LIMK1: variants seen among roughly 807,000 people sequenced by gnomAD.
LIMK1 encodes the protein LIM domain kinase 1.
A neutral mutation model predicts 77.6 loss-of-function variants in LIMK1; 21 were observed. The observed-to-expected ratio is 0.27, with a 90% CI of 0.19 to 0.39. The LOEUF (loss-of-function observed/expected upper bound fraction) is 0.39, where lower values mean the gene tolerates loss of function less well. Among genes scored for constraint, LIMK1 ranks in the 10% least tolerant of loss-of-function variants. The probability of loss-of-function intolerance (pLI) is 1.00; values close to 1 mark genes in which losing one functional copy is unlikely to be tolerated. For synonymous variants in LIMK1, 358 were observed against 370.0 expected (o/e 0.97, Z 0.37); for missense variants, 696 against 901.6 (o/e 0.77, Z 2.92).
At chr7:74,107,767 C>A in intron 8 of LIMK1, 104 bp from the exon 9 acceptor site, 1 of 796,240 alleles carries the variant, frequency 1.3e-6, no homozygotes, top group Non-Finnish European at 2.1e-6. Flanking sequence ...GAGTATGAAG[C>A]CATCTGCACA....
chr7:74,099,013 A>T lies in LIMK1; in HGVS notation c.402-19A>T, dbSNP rs782400590. The T allele has an allele frequency of 1.3e-6, 2 of 1,592,776 alleles. No homozygotes were observed. The highest frequency in any genetic ancestry group is 2.3e-5 in the East Asian group (1 of 44,422). ...ACGCCCTTGACACTCTTTTCTTCCC[A>T]CCCCGGCGGCTCTTGCAGCGGGCAC... On this transcript the variant is annotated intron_variant, in intron 4 of 15. Transcript: ENST00000336180.
At chr7:74,084,173 G>C (rs1163565784) in intron 1 of LIMK1, 128 bp downstream of exon 1, 1 of 352,904 alleles carries the variant, frequency 2.8e-6, no homozygotes, top group African/African-American at 2.2e-5. Context: ...TCGTCCTTAC[G>C]AAGCCCGCAG....
chr7:74,105,513 C>CAAA (rs201143839), intron 5 of LIMK1, among the ~76,000 whole-genome samples: 2 of 93,664 alleles, frequency 2.1e-5, no homozygotes, highest in African/African-American at 3.3e-5. Flanking sequence ...ATTCTGTCTC[C>CAAA]AAAAAAAAAA....
At position 74,115,910 on chromosome 7, in the gene LIMK1, T is replaced by C. The variant is rs1438281606; in HGVS notation, c.1519T>C (p.Tyr507His). The C allele has an allele frequency of 6.2e-7, 1 of 1,614,062 alleles. No individual in the cohort carries two copies. The highest frequency in any genetic ancestry group is 1.7e-5 in the Admixed American group (1 of 59,990). The change falls in exon 13 of 16, where the codon TAC becomes CAC. Residue 507 changes from tyrosine to histidine, a missense_variant. This residue lies in a region of LIMK1 where 438 missense variants were observed against 602.3 expected (regional missense o/e 0.73). Transcript: ENST00000336180. The stretch of plus-strand genomic sequence containing the variant: ...CAAGAAGCCAGACCGCAAGAAGCGC[T>C]ACACCGTGGTGGGCAACCCCTACTG... Reference protein sequence around the residue: ...SLKKPDRKKRYTVVGNPYWMA... With the variant: ...SLKKPDRKKRHTVVGNPYWMA...
At position 74,106,370 on chromosome 7, in the gene LIMK1, G is replaced by A. The variant is rs1295125754; in HGVS notation, c.881+127G>A. 16 of 1,044,980 alleles carry A rather than the reference G, an allele frequency of 1.5e-5. No individual in the cohort carries two copies. In the Admixed American group the frequency reaches 3.6e-4, roughly 23 times the overall value. The allele number at this position is 1,044,980 out of a possible 1,614,324, so 64.7% of individuals were successfully genotyped here. A position where few individuals can be genotyped will look rare whatever the true frequency, so the allele number is the denominator to read the frequency against. On this transcript the variant is annotated intron_variant, in intron 7 of 15. Coordinates refer to ENST00000336180, the MANE Select transcript of LIMK1 (RefSeq NM_002314.4). ...CCCAGGCTTGAGCCAGGGAGGTGGA[G>A]GCTGCAGTAAGCTGTCATCACACCA...
At position 74,099,116 on chromosome 7, in the gene LIMK1, C is replaced by T. The variant is rs1420876850; in HGVS notation, c.486C>T (p.Thr162=). ...PDSPGSHLPH[T]VTLVSIPASS... ...CCCCTGGCTCCCACCTGCCCCACACCGTCACCCTGGTGTCCATCCCAGCCT... is the reference window on the plus strand; with the variant it reads ...CCCCTGGCTCCCACCTGCCCCACACTGTCACCCTGGTGTCCATCCCAGCCT... Residue 162 remains threonine (T), a synonymous_variant, in exon 5 of 16, where the codon ACC becomes ACT. Coordinates refer to ENST00000336180, the MANE Select transcript of LIMK1 (RefSeq NM_002314.4). The T allele has an allele frequency of 6.8e-6, 11 of 1,613,666 alleles. No individual in the cohort carries two copies. Among genetic ancestry groups the T allele is most frequent in the Admixed American group, 6.7e-5 (4 of 59,988 alleles).
Position 74,115,870 on chromosome 7 carries a change from G to A in LIMK1, c.1479G>A (p.Glu493=). 1 of 1,614,200 alleles carries A rather than the reference G, an allele frequency of 6.2e-7. No individual in the cohort carries two copies. The highest frequency in any genetic ancestry group is 8.5e-7 in the Non-Finnish European group (1 of 1,180,026). The stretch of plus-strand genomic sequence containing the variant: ...TGGTGGACGAGAAGACTCAGCCTGA[G>A]GGCCTGCGGAGCCTCAAGAAGCCAG... ...RLMVDEKTQP[E]GLRSLKKPDR... Residue 493 remains glutamate, a synonymous_variant, in exon 13 of 16, where the codon GAG becomes GAA. Transcript: ENST00000336180.
rs113547943 is a variant in LIMK1, at chr7:74,115,764, G to C, written c.1411-38G>C. ...GGGGCAGGCCAAGCGGGCAGTACTA[G>C]GATCGGGTCCCAGCATGACCCGGCT... On this transcript the variant is annotated intron_variant, in intron 12 of 15. Coordinates refer to ENST00000336180, the MANE Select transcript of LIMK1 (RefSeq NM_002314.4). 94 of 1,606,164 alleles carry C rather than the reference G, an allele frequency of 5.9e-5. No individual in the cohort carries two copies. The African/African-American group carries it at 7.1e-4, about 12-fold the overall frequency.
rs1246979663 is a variant in LIMK1 at position 74,115,644 on chromosome 7, G to A, written c.1411-158G>A. The A allele has an allele frequency of 5.7e-6, 4 of 697,768 alleles. No homozygotes were observed. In the Admixed American group the frequency reaches 1.2e-4, roughly 20 times the overall value. The allele number at this position is 697,768 out of a possible 1,614,324, so 43.2% of individuals were successfully genotyped here. On this transcript the variant is annotated intron_variant, in intron 12 of 15. Coordinates refer to ENST00000336180, the MANE Select transcript of LIMK1 (RefSeq NM_002314.4). ...AGCTCCATTTGCAAAGAGCGGATGG[G>A]TTTGGGGAAGGAAGGGGTCCCCACC...
chr7:74,085,499 C>A, intron 1 of LIMK1, among the ~76,000 whole-genome samples: 1 of 152,352 alleles, frequency 6.6e-6, no homozygotes, highest in Non-Finnish European at 1.5e-5. Context: ...CCTGATCCTC[C>A]TCCTAAGCTG....
At chr7:74,107,552 G>T (rs1799601875) in intron 8 of LIMK1, among the ~76,000 whole-genome samples, 1 of 152,022 alleles carries the variant, frequency 6.6e-6, no homozygotes, top group Admixed American at 6.6e-5. Flanking sequence ...GTATAGTGGT[G>T]CATGCCTGTG....
At chr7:74,103,660 A>G (rs1554696928) in intron 5 of LIMK1, among the ~76,000 whole-genome samples, 1 of 152,170 alleles carries the variant, frequency 6.6e-6, no homozygotes, top group African/African-American at 2.4e-5. Context: ...TGATTTGAGC[A>G]TCTATTGATG....
chr7:74,111,675 G>A lies in LIMK1; in HGVS notation c.1312G>A (p.Val438Met), dbSNP rs782500795. Residue 438 changes from valine to methionine, a missense_variant, in exon 11 of 16, where the codon GTG (valine) becomes ATG (methionine). Transcript: ENST00000336180. ...CAGCCAGTACCCATGGAGCCAGAGAGTGAGCTTTGCCAAGGACATCGCATC... is the reference window on the plus strand; with the variant it reads ...CAGCCAGTACCCATGGAGCCAGAGAATGAGCTTTGCCAAGGACATCGCATC... ...MDSQYPWSQR[V>M]SFAKDIASGM... 1.9e-6 allele frequency: 3 copies of A among 1,613,580 alleles called. No homozygotes were observed. Among genetic ancestry groups the A allele is most frequent in the Non-Finnish European group, 2.5e-6 (3 of 1,179,792 alleles).
chr7:74,106,346 C>T, intron 7 of LIMK1, 103 bp downstream of exon 7: 1 of 1,359,338 alleles, frequency 7.4e-7, no homozygotes, highest in Non-Finnish European at 1.0e-6. Context: ...CAAATGCAGC[C>T]CAGGCTTGAG....
intron 7 of LIMK1, 35 bp downstream of exon 7, chr7:74,106,278 T>C (rs941631459): frequency 2.5e-6 from 4 of 1,572,444 alleles, no homozygotes; most frequent in Non-Finnish European, 2.6e-6. Flanking sequence ...AGCTGGGTGC[T>C]TTCACTCCTG....
chr7:74,112,024 G>A, intron 12 of LIMK1, 26 bp downstream of exon 12: 1 of 1,570,596 alleles, frequency 6.4e-7, no homozygotes, highest in Non-Finnish European at 8.7e-7. Context: ...CCACGTGGCT[G>A]GGTGTCAGGA....
intron 2 of LIMK1, chr7:74,093,141 C>G (rs1799270247): frequency 1.4e-6 from 2 of 1,472,444 alleles, no homozygotes; most frequent in Non-Finnish European, 1.8e-6. Context: ...GCTGGCCCCA[C>G]CCTCTGCAGC....
chr7:74,087,883 C>T (rs1004800617), intron 2 of LIMK1, among the ~76,000 whole-genome samples: 3 of 151,976 alleles, frequency 2.0e-5, no homozygotes, highest in Admixed American at 2.0e-4. Flanking sequence ...AGCCACTGCA[C>T]CTGGCCTCGG....
Position 74,121,627 on chromosome 7 carries a change from A to G in LIMK1, c.*326A>G, listed in dbSNP as rs1799942878. 1 of 316,104 alleles carries G rather than the reference A, an allele frequency of 3.2e-6. No individual in the cohort carries two copies. Among genetic ancestry groups the G allele is most frequent in the East Asian group, 5.9e-5 (1 of 16,948 alleles). 19.6% of individuals were successfully genotyped at this position (316,104 alleles called of 1,614,324 possible). The stretch of plus-strand genomic sequence containing the variant: ...CCTTTCCACACGCCGCTGCCCCAGC[A>G]ACCCTGTTCACGCTCCACCTGTCTG... On this transcript the variant is annotated 3_prime_UTR_variant, in exon 16 of 16. Coordinates refer to ENST00000336180, the MANE Select transcript of LIMK1 (RefSeq NM_002314.4).
Sources: gnomAD v4.1 joint callset for allele counts (sites outside exome capture counted in the v4.1 genomes callset) on GRCh38, gnomAD v4.1.1 for gene constraint, gnomAD v4.1.1 regional missense constraint, MANE v1.5 for transcripts, NCBI Gene and HGNC (gene_info 2026-07-23, HGNC 2026-07-21) for gene names.